ABCD2: variants seen among roughly 807,000 people sequenced by gnomAD.
The protein encoded by ABCD2 is ATP binding cassette subfamily D member 2.
A neutral mutation model predicts 70.9 loss-of-function variants in ABCD2; 36 were observed. That is an observed-to-expected ratio of 0.51 (90% confidence interval 0.39 to 0.67). The LOEUF (loss-of-function observed/expected upper bound fraction) is 0.67, where lower values mean the gene tolerates loss of function less well. Among genes scored for constraint, ABCD2 ranks in the 30% least tolerant of loss-of-function variants. ABCD2 has a pLI of 0.00. For synonymous variants in ABCD2, 304 were observed against 306.9 expected (o/e 0.99, Z 0.10); for missense variants, 729 against 890.2 (o/e 0.82, Z 2.30).
intron 2 of ABCD2, among the ~76,000 whole-genome samples, chr12:39,610,318 G>A (rs1942028455): frequency 6.6e-6 from 1 of 152,092 alleles, no homozygotes; most frequent in African/African-American, 2.4e-5. Flanking sequence ...GAGAACTACT[G>A]TTAGTCCCCT....
intron 7 of ABCD2, among the ~76,000 whole-genome samples, chr12:39,585,919 T>C (rs1941658463): frequency 6.6e-6 from 1 of 152,178 alleles, no homozygotes; most frequent in Non-Finnish European, 1.5e-5. Flanking sequence ...TGTTTTTAAA[T>C]GTTAGCTGCA....
At chr12:39,544,826 C>G in the ABCD2 span, among the ~76,000 whole-genome samples, 1 of 152,164 alleles carries the variant, frequency 6.6e-6, no homozygotes, top group Non-Finnish European at 1.5e-5. Flanking sequence ...CCTGGTTGAG[C>G]TTCCAAGGCT....
At chr12:39,583,550 A>G (rs935711764) in intron 7 of ABCD2, among the ~76,000 whole-genome samples, 3 of 152,158 alleles carry the variant, frequency 2.0e-5, no homozygotes, top group Admixed American at 6.5e-5. Context: ...TTGGGGGCAC[A>G]TGTGAAGTTT....
At chr12:39,606,057 A>G (rs530926362) in intron 3 of ABCD2, among the ~76,000 whole-genome samples, 2 of 152,320 alleles carry the variant, frequency 1.3e-5, no homozygotes, top group South Asian at 2.1e-4. Context: ...AAACAAATTT[A>G]AAGATCAACA....
intron 8 of ABCD2, 78 bp from the exon 9 acceptor site, chr12:39,573,919 T>C (rs1395026240): frequency 1.5e-6 from 2 of 1,375,038 alleles, no homozygotes. Context: ...ATGAGTTGCA[T>C]TGCTAACAAT....
At chr12:39,576,554 TA>T (rs1430147150) in intron 8 of ABCD2, among the ~76,000 whole-genome samples, 1 of 152,228 alleles carries the variant, frequency 6.6e-6, no homozygotes, top group African/African-American at 2.4e-5. Flanking sequence ...TAGCAAAATT[TA>T]GTTTATATTT....
intron 9 of ABCD2, among the ~76,000 whole-genome samples, chr12:39,568,280 G>C (rs1394892387): frequency 6.6e-6 from 1 of 152,092 alleles, no homozygotes; most frequent in Non-Finnish European, 1.5e-5. Context: ...ATGTAGATTT[G>C]GTCTTTTCAC....
intron 9 of ABCD2, among the ~76,000 whole-genome samples, chr12:39,569,870 A>G (rs563370666): frequency 6.6e-6 from 1 of 152,354 alleles, no homozygotes; most frequent in South Asian, 2.1e-4. Flanking sequence ...CATTAGATTT[A>G]TAAATGAATT....
At chr12:39,557,732 G>C (rs1941190797) in intron 9 of ABCD2, among the ~76,000 whole-genome samples, 1 of 152,152 alleles carries the variant, frequency 6.6e-6, no homozygotes, top group African/African-American at 2.4e-5. Flanking sequence ...GTACAGCTCA[G>C]GCCATTCCTT....
rs772313596 is a variant in ABCD2, at chr12:39,554,091, C to T, written c.2044G>A (p.Gly682Ser). ...THLLQFDGEG[G>S]WRFEQLDTAI... The stretch of plus-strand genomic sequence containing the variant: ...GTATCCAATTGTTCAAAGCGCCAAC[C>T]TCCTTCACCATCAAACTGTAATAAA... The change falls in exon 10 of 10, where the codon GGT becomes AGT. Residue 682 changes from glycine to serine, a missense_variant. Gly to Ser is a moderately conservative substitution (Grantham distance 56). Around this residue, in one of 3 missense-constraint regions of ABCD2, gnomAD observed 289 missense variants for 328.8 expected, o/e 0.88. Transcript: ENST00000308666. 2 of 1,613,588 alleles carry T rather than the reference C, an allele frequency of 1.2e-6. No homozygotes were observed. The highest frequency in any genetic ancestry group is 1.1e-5 in the South Asian group (1 of 91,066).
At position 39,603,925 on chromosome 12, in the gene ABCD2, C is replaced by A; in HGVS notation, c.1487G>T (p.Arg496Met). ...ATATCATCTTACTTTGAAGTTTAGC[C>A]TGGAAGCCACCACTTCTCCTGCTGG... ...ITPAGEVVASRLNFKVEEGMH... is the reference protein window; with the variant it reads ...ITPAGEVVASMLNFKVEEGMH... The change falls in exon 5 of 10, where the codon AGG (arginine) becomes ATG (methionine). Residue 496 changes from arginine to methionine, a missense_variant. Physicochemically the swap from Arg to Met is moderately conservative, Grantham distance 91. Transcript: ENST00000308666. 1.2e-6 allele frequency: 2 copies of A among 1,611,300 alleles called. No individual in the cohort carries two copies. Among genetic ancestry groups the A allele is most frequent in the Non-Finnish European group, 1.7e-6 (2 of 1,178,102 alleles).
chr12:39,576,244 C>T (rs1426827518), intron 8 of ABCD2, among the ~76,000 whole-genome samples: 24 of 152,164 alleles, frequency 1.6e-4, no homozygotes, highest in Admixed American at 1.2e-3. Flanking sequence ...ACTGCAATCT[C>T]CGCCTCCTGG....
At chr12:39,538,866 A>G in the ABCD2 span, among the ~76,000 whole-genome samples, 1 of 152,170 alleles carries the variant, frequency 6.6e-6, no homozygotes, top group Admixed American at 6.5e-5. Flanking sequence ...GAAGATCGAG[A>G]AAGACGCCGT....
At chr12:39,591,607 G>T (rs1190505274) in intron 6 of ABCD2, among the ~76,000 whole-genome samples, 1 of 152,118 alleles carries the variant, frequency 6.6e-6, no homozygotes, top group Admixed American at 6.6e-5. Context: ...AGCTACTTGG[G>T]AGGCTGAGGC....
At chr12:39,546,784 A>G (rs903647765), downstream of ABCD2, among the ~76,000 whole-genome samples, 6 of 152,114 alleles carry the variant, frequency 3.9e-5, no homozygotes, top group South Asian at 4.1e-4. Flanking sequence ...TTGAAGCTAG[A>G]TAGGGTTTTG....
At chr12:39,537,148 A>C in the ABCD2 span, among the ~76,000 whole-genome samples, 1 of 150,780 alleles carries the variant, frequency 6.6e-6, no homozygotes, top group Admixed American at 6.6e-5. Flanking sequence ...CCCCCTCCGC[A>C]CTCTAGACAC....
chr12:39,532,742 A>G, the ABCD2 span, among the ~76,000 whole-genome samples: 1 of 152,240 alleles, frequency 6.6e-6, no homozygotes, highest in African/African-American at 2.4e-5. Flanking sequence ...CACTTACAAA[A>G]AGAACAAGTT....
the ABCD2 span, among the ~76,000 whole-genome samples, chr12:39,532,652 T>C: frequency 1.3e-5 from 2 of 152,090 alleles, no homozygotes; most frequent in Non-Finnish European, 2.9e-5. Flanking sequence ...GCAGTCTTGA[T>C]AGCAGTATTA....
intron 9 of ABCD2, among the ~76,000 whole-genome samples, chr12:39,570,233 A>G (rs1398393525): frequency 6.6e-6 from 1 of 152,240 alleles, no homozygotes; most frequent in Non-Finnish European, 1.5e-5. Flanking sequence ...ATAGAAAAAA[A>G]ATTCTAAAAT....
Sources: gnomAD v4.1 joint callset for allele counts (sites outside exome capture counted in the v4.1 genomes callset) on GRCh38, gnomAD v4.1.1 for gene constraint, gnomAD v4.1.1 regional missense constraint, MANE v1.5 for transcripts, NCBI Gene and HGNC (gene_info 2026-07-23, HGNC 2026-07-21) for gene names.